The following ANKRD31 variants were observed in gnomAD, a reference collection of about 807,000 sequenced individuals.
The protein encoded by ANKRD31 is ankyrin repeat domain 31.
ANKRD31 carries 147 observed loss-of-function variants against 186.0 expected under a neutral mutation model. The observed-to-expected ratio is 0.79, with a 90% CI of 0.69 to 0.91. ANKRD31 has a LOEUF of 0.91. ANKRD31 is among the 40% of genes least tolerant of loss of function. The pLI is 0.00. For synonymous variants in ANKRD31, 673 were observed against 736.4 expected (o/e 0.91, Z 1.39); for missense variants, 1,986 against 2,148.8 (o/e 0.92, Z 1.50).
At chr5:75,178,400 G>A (rs1317909889) in intron 10 of ANKRD31, among the ~76,000 whole-genome samples, 6 of 152,146 alleles carry the variant, frequency 3.9e-5, no homozygotes, top group Non-Finnish European at 8.8e-5. Context: ...GACATCTACA[G>A]AACTCTCCAC....
chr5:75,178,084 T>C (rs1189897417), intron 10 of ANKRD31, among the ~76,000 whole-genome samples: 2 of 152,026 alleles, frequency 1.3e-5, no homozygotes, highest in Non-Finnish European at 1.5e-5. Context: ...GGTTGCAATC[T>C]GAGTCTCAGA....
intron 10 of ANKRD31, among the ~76,000 whole-genome samples, chr5:75,188,034 T>C (rs1239214396): frequency 2.6e-5 from 4 of 152,142 alleles, no homozygotes; most frequent in Non-Finnish European, 5.9e-5. Context: ...CTGAGCTCCC[T>C]GTCCCAACCT....
In ANKRD31 at chr5:75,123,478, G is replaced by A. The variant is rs560904666; in HGVS notation, c.3877-5181C>T. Among the ~76,000 whole-genome samples, 111 of 152,116 alleles carry A rather than the reference G, an allele frequency of 7.3e-4. 1 individual carries two copies. The South Asian group carries it at 7.9e-3, about 11-fold the overall frequency. ...ATGGAACCAAAAAACAGTCTGAATA[G>A]CAGAAGCAATCCTAAGCAAATAGAA... On this transcript the variant is annotated intron_variant, in intron 17 of 25. Transcript: ENST00000506364.
chr5:75,111,405 C>T lies in ANKRD31; in HGVS notation c.4243+1108G>A, dbSNP rs1279321070. ...AAATGAAATAAATATACTAACTGTA[C>T]TTTTTTGTTTGGGGGTATGAATTAT... On this transcript the variant is annotated intron_variant, in intron 20 of 25. Transcript: ENST00000506364. 2.0e-5 allele frequency among the ~76,000 whole-genome samples: 3 copies of T among 152,058 alleles called. No homozygotes were observed. The South Asian group carries it at 6.2e-4, about 32-fold the overall frequency.
At position 75,138,714 on chromosome 5, in the gene ANKRD31, A is replaced by C. The variant is rs1750791658; in HGVS notation, c.3733+132T>G. 11 of 920,008 alleles carry C rather than the reference A, an allele frequency of 1.2e-5. 1 individual carries two copies. The South Asian group carries it at 2.4e-4, about 20-fold the overall frequency. The allele number at this position is 920,008 out of a possible 1,614,324, so 57.0% of individuals were successfully genotyped here. On this transcript the variant is annotated intron_variant, in intron 16 of 25. Transcript: ENST00000506364. The stretch of plus-strand genomic sequence containing the variant: ...TTAGTATTCAACTAAACACTAATAT[A>C]ATATAAAAAAGATTGTTCAAAGTTA...
In ANKRD31 at chr5:75,146,859, A is replaced by C. The variant is rs996121510; in HGVS notation, c.2552T>G (p.Val851Gly). 6.5e-7 allele frequency: 1 copy of C among 1,536,346 alleles called. No homozygotes were observed. Among genetic ancestry groups the C allele is most frequent in the East Asian group, 2.4e-5 (1 of 40,888 alleles). ...LLHKEIKLPVVTTDKQPHTLQ... is the reference protein window; with the variant it reads ...LLHKEIKLPVGTTDKQPHTLQ... ...AGTGTGAGGCTGCTTATCTGTAGTA[A>C]CAACTGGTAACTTGATTTCTTTATG... The change falls in exon 14 of 26, where the codon GTT becomes GGT. Residue 851 changes from valine (V) to glycine (G), a missense_variant. Val to Gly is a moderately radical substitution (Grantham distance 109, BLOSUM62 -3). Transcript: ENST00000506364.
chr5:75,137,437 C>A (rs1750675262), intron 17 of ANKRD31, among the ~76,000 whole-genome samples: 1 of 152,090 alleles, frequency 6.6e-6, no homozygotes, highest in African/African-American at 2.4e-5. Context: ...AAAGATGCAA[C>A]AAACACCCGG....
At position 75,206,496 on chromosome 5, in the gene ANKRD31, T is replaced by C. The variant is rs1756254854; in HGVS notation, c.327-9A>G. On this transcript the variant is annotated splice_polypyrimidine_tract_variant and intron_variant, in intron 4 of 25. Transcript: ENST00000506364. The stretch of plus-strand genomic sequence containing the variant: ...AACAGTTTTTTCTAGTCCTAAAAAA[T>C]CAATTAATAAAAATAAATTTTAAAA... The C allele has an allele frequency of 7.2e-7, 1 of 1,392,428 alleles. No individual in the cohort carries two copies. Among genetic ancestry groups the C allele is most frequent in the South Asian group, 1.6e-5 (1 of 61,716 alleles). 86.3% of individuals were successfully genotyped at this position (1,392,428 alleles called of 1,614,324 possible). A position where few individuals can be genotyped will look rare whatever the true frequency, so the allele number is the denominator to read the frequency against.
At chr5:75,130,852 C>T (rs184001304) in intron 17 of ANKRD31, among the ~76,000 whole-genome samples, 577 of 152,370 alleles carry the variant, frequency 3.8e-3, no homozygotes, top group African/African-American at 0.013. Context: ...GACAGCTTCA[C>T]CTCTCACTGG....
intron 11 of ANKRD31, among the ~76,000 whole-genome samples, chr5:75,154,612 A>G (rs1580444671): frequency 6.6e-6 from 1 of 152,164 alleles, no homozygotes; most frequent in Non-Finnish European, 1.5e-5. Flanking sequence ...GAAGAAAAGA[A>G]AGGGAGAAGG....
intron 17 of ANKRD31, among the ~76,000 whole-genome samples, chr5:75,120,386 T>C (rs1301896908): frequency 2.0e-5 from 3 of 152,000 alleles, no homozygotes; most frequent in Admixed American, 2.0e-4. Flanking sequence ...AAAAAAATTA[T>C]AGTATAAGTC....
chr5:75,235,229 G>A (rs1758187301), intron 1 of ANKRD31, among the ~76,000 whole-genome samples: 1 of 142,036 alleles, frequency 7.0e-6, no homozygotes, highest in South Asian at 2.2e-4. Flanking sequence ...TCAACAGAAA[G>A]TCTTGCTGGT....
chr5:75,155,725 T>C (rs1052028144), intron 11 of ANKRD31, among the ~76,000 whole-genome samples: 1 of 152,108 alleles, frequency 6.6e-6, no homozygotes, highest in Non-Finnish European at 1.5e-5. Flanking sequence ...ATCCAGTGTA[T>C]GTACCTAAAA....
At chr5:75,104,130 T>C in intron 22 of ANKRD31, 98 bp downstream of exon 22, 1 of 1,071,456 alleles carries the variant, frequency 9.3e-7, no homozygotes, top group Non-Finnish European at 1.3e-6. Context: ...AAAACCCCAT[T>C]TCCCTAATCA....
At chr5:75,157,092 C>T (rs1288844593) in intron 11 of ANKRD31, among the ~76,000 whole-genome samples, 1 of 152,072 alleles carries the variant, frequency 6.6e-6, no homozygotes, top group Admixed American at 6.6e-5. Context: ...AAGATCCTAC[C>T]AGGGAGGGCT....
intron 22 of ANKRD31, among the ~76,000 whole-genome samples, chr5:75,097,456 C>T (rs1746422761): frequency 6.6e-6 from 1 of 152,186 alleles, no homozygotes; most frequent in East Asian, 1.9e-4. Flanking sequence ...GCATAAATGT[C>T]TTCCTTTGAG....
chr5:75,197,896 T>C (rs1755573573), intron 6 of ANKRD31, among the ~76,000 whole-genome samples: 1 of 152,198 alleles, frequency 6.6e-6, no homozygotes, highest in Admixed American at 6.5e-5. Flanking sequence ...TGGCCGTACT[T>C]TGTTGGTAAC....
chr5:75,181,601 G>A lies in ANKRD31; in HGVS notation c.1564+6892C>T, dbSNP rs145525028. Among the ~76,000 whole-genome samples, 665 of 151,994 alleles carry A rather than the reference G, an allele frequency of 4.4e-3. 7 individuals carry two copies. Among genetic ancestry groups the A allele is most frequent in the Middle Eastern group, 0.02 (6 of 294 alleles). ...CCTTTGTAGGGACGCGGATGAAGCTGGAAACCATCATTCTCAGCAAACTAT... is the reference window on the plus strand; with the variant it reads ...CCTTTGTAGGGACGCGGATGAAGCTAGAAACCATCATTCTCAGCAAACTAT... On this transcript the variant is annotated intron_variant, in intron 10 of 25. Coordinates refer to ENST00000506364, the MANE Select transcript of ANKRD31 (RefSeq NM_001372053.1).
chr5:75,125,666 A>T (rs1384774027), intron 17 of ANKRD31, among the ~76,000 whole-genome samples: 1 of 152,210 alleles, frequency 6.6e-6, no homozygotes, highest in Non-Finnish European at 1.5e-5. Flanking sequence ...TTCACTTAAT[A>T]TATTAATTTG....
Sources: gnomAD v4.1 joint callset for allele counts (sites outside exome capture counted in the v4.1 genomes callset) on GRCh38, gnomAD v4.1.1 for gene constraint, MANE v1.5 for transcripts, NCBI Gene and HGNC (gene_info 2026-07-23, HGNC 2026-07-21) for gene names.